ROBO1: variants seen among roughly 807,000 people sequenced by gnomAD.
ROBO1 encodes roundabout homolog 1.
Under a neutral mutation model 195.9 loss-of-function variants are expected in ROBO1, and 149 were observed. That is an observed-to-expected ratio of 0.76 (90% CI 0.67 to 0.87). The LOEUF (loss-of-function observed/expected upper bound fraction) is 0.87. ROBO1 is among the 40% of genes least tolerant of loss of function. The probability of loss-of-function intolerance (pLI) is 0.00; values close to 1 mark genes in which losing one functional copy is unlikely to be tolerated. For missense variants in ROBO1, 1,933 were observed against 2,068.3 expected (o/e 0.93, Z 1.27); for synonymous variants, 816 against 733.2 (o/e 1.11, Z -1.82).
At chr3:78,712,216 T>C (rs1455256472) in intron 8 of ROBO1, among the ~76,000 whole-genome samples, 2 of 152,120 alleles carry the variant, frequency 1.3e-5, no homozygotes, top group African/African-American at 4.8e-5. Context: ...ATACTCATTG[T>C]ATGAGATGTG....
At chr3:79,097,297 T>C (rs1206267965) in intron 3 of ROBO1, among the ~76,000 whole-genome samples, 2 of 151,888 alleles carry the variant, frequency 1.3e-5, no homozygotes, top group Non-Finnish European at 2.9e-5. Flanking sequence ...TTGTAAATTA[T>C]AGGCATTATC....
intron 2 of ROBO1, among the ~76,000 whole-genome samples, chr3:79,432,020 A>G (rs1315815666): frequency 2.0e-5 from 3 of 152,130 alleles, no homozygotes; most frequent in Non-Finnish European, 4.4e-5. Context: ...CTAAATTGGA[A>G]GTAACTTTCC....
intron 3 of ROBO1, among the ~76,000 whole-genome samples, chr3:79,014,132 T>C (rs2077860261): frequency 6.6e-6 from 1 of 152,178 alleles, no homozygotes. Flanking sequence ...CTTTATATAG[T>C]TGTTGAATTT....
intron 4 of ROBO1, among the ~76,000 whole-genome samples, chr3:78,829,620 G>A (rs868511879): frequency 6.6e-6 from 1 of 152,076 alleles, no homozygotes; most frequent in African/African-American, 2.4e-5. Context: ...TGGCTATGTC[G>A]ACAGGAACTA....
chr3:78,990,285 T>C (rs1223809150), intron 3 of ROBO1, among the ~76,000 whole-genome samples: 1 of 152,200 alleles, frequency 6.6e-6, no homozygotes, highest in African/African-American at 2.4e-5. Context: ...TTGGCTAATA[T>C]TCCACGATGT....
intron 4 of ROBO1, among the ~76,000 whole-genome samples, chr3:78,855,021 G>A (rs1041501646): frequency 1.3e-5 from 2 of 151,926 alleles, no homozygotes; most frequent in African/African-American, 4.8e-5. Context: ...TAGAACAGAA[G>A]TTTTATTGGG....
At chr3:79,564,468 G>A (rs762819374) in intron 2 of ROBO1, among the ~76,000 whole-genome samples, 3 of 152,064 alleles carry the variant, frequency 2.0e-5, no homozygotes, top group African/African-American at 2.4e-5. Context: ...ATTTCTGTTT[G>A]TCAGAAATTT....
At chr3:78,843,313 T>G (rs1232971273) in intron 4 of ROBO1, among the ~76,000 whole-genome samples, 1 of 152,112 alleles carries the variant, frequency 6.6e-6, no homozygotes, top group Non-Finnish European at 1.5e-5. Flanking sequence ...ATTCACTGAT[T>G]GGGGACTGAG....
chr3:79,328,253 G>C (rs1353461341), intron 2 of ROBO1, among the ~76,000 whole-genome samples: 2 of 152,124 alleles, frequency 1.3e-5, no homozygotes, highest in African/African-American at 4.8e-5. Flanking sequence ...AGAGCCAGCT[G>C]TATTAACGCA....
intron 2 of ROBO1, among the ~76,000 whole-genome samples, chr3:79,343,813 A>T (rs971509632): frequency 6.6e-6 from 1 of 152,162 alleles, no homozygotes; most frequent in Non-Finnish European, 1.5e-5. Flanking sequence ...AAGAAAAAAC[A>T]TTTAAAATAA....
At chr3:79,673,101 AG>A (rs1946677669) in intron 1 of ROBO1, among the ~76,000 whole-genome samples, 1 of 152,010 alleles carries the variant, frequency 6.6e-6, no homozygotes, top group Admixed American at 6.6e-5. Flanking sequence ...TCTGCCTGAA[AG>A]CTAGTCACTT....
chr3:79,172,348 A>G (rs1337711302), intron 2 of ROBO1, among the ~76,000 whole-genome samples: 1 of 151,958 alleles, frequency 6.6e-6, no homozygotes, highest in Non-Finnish European at 1.5e-5. Context: ...ATTTCCTTCT[A>G]TCTCTAAAAG....
At chr3:78,976,969 C>A (rs1305169943) in intron 3 of ROBO1, among the ~76,000 whole-genome samples, 3 of 152,134 alleles carry the variant, frequency 2.0e-5, no homozygotes, top group Non-Finnish European at 2.9e-5. Flanking sequence ...TGTGTAACAC[C>A]AAGTGCCATT....
rs1386028669 is a variant in ROBO1 at position 79,387,257 on chromosome 3, G to C, written c.88+202567C>G. Among the ~76,000 whole-genome samples, 4 of 151,962 alleles carry C rather than the reference G, an allele frequency of 2.6e-5. No homozygotes were observed. The East Asian group carries it at 7.7e-4, about 29-fold the overall frequency. On this transcript the variant is annotated intron_variant, in intron 2 of 30. Coordinates refer to ENST00000464233, the MANE Select transcript of ROBO1 (RefSeq NM_002941.4). ...AAATCATGCCAGTATAAGTAAACCA[G>C]AAAATGACAGTAGCAAAAAATTTGT...
chr3:79,277,713 A>G (rs189579368), intron 2 of ROBO1, among the ~76,000 whole-genome samples: 4 of 152,104 alleles, frequency 2.6e-5, no homozygotes, highest in Admixed American at 6.5e-5. Context: ...TTGTATATCT[A>G]TATCAAAAAA....
intron 1 of ROBO1, among the ~76,000 whole-genome samples, chr3:79,721,266 C>T (rs1042335635): frequency 6.6e-6 from 1 of 152,110 alleles, no homozygotes; most frequent in African/African-American, 2.4e-5. Flanking sequence ...AATTACTCTC[C>T]TCTATTGCAT....
chr3:79,713,690 T>A (rs570432925), intron 1 of ROBO1, among the ~76,000 whole-genome samples: 3 of 152,262 alleles, frequency 2.0e-5, no homozygotes, highest in East Asian at 3.9e-4. Flanking sequence ...CTGAATGGTA[T>A]TGCCTAGGTT....
intron 2 of ROBO1, among the ~76,000 whole-genome samples, chr3:79,262,612 A>T (rs1471485929): frequency 6.6e-6 from 1 of 152,030 alleles, no homozygotes; most frequent in East Asian, 1.9e-4. Context: ...AAGACAAAGT[A>T]AAAAAACGTT....
chr3:79,430,539 G>A (rs1229563377), intron 2 of ROBO1, among the ~76,000 whole-genome samples: 8 of 152,106 alleles, frequency 5.3e-5, no homozygotes, highest in Admixed American at 2.0e-4. Flanking sequence ...CCAAATAGCT[G>A]AAGTGCTAAT....
Sources: allele counts gnomAD v4.1 joint callset (sites outside exome capture counted in the v4.1 genomes callset), GRCh38; gene constraint gnomAD v4.1.1; transcripts MANE v1.5; gene names NCBI Gene and HGNC (gene_info 2026-07-23, HGNC 2026-07-21).